The following SFMBT2 variants were observed in gnomAD, a reference collection of about 807,000 sequenced individuals.
The protein encoded by SFMBT2 is scm-like with four MBT domains protein 2.
A neutral mutation model predicts 110.1 loss-of-function variants in SFMBT2; 38 were observed. The ratio of observed to expected loss-of-function variants is 0.35; its 90% CI spans 0.27 to 0.45. The LOEUF (loss-of-function observed/expected upper bound fraction) is 0.45. Ranked by LOEUF, SFMBT2 falls within the 20% of genes least tolerant of loss-of-function variation. The pLI is 1.00. For missense variants in SFMBT2, 1,011 were observed against 1,094.9 expected (o/e 0.92, Z 1.08); for synonymous variants, 425 against 425.4 (o/e 1.00, Z 0.01).
At chr10:7,232,829 T>C (rs1840144148) in intron 9 of SFMBT2, among the ~76,000 whole-genome samples, 1 of 152,164 alleles carries the variant, frequency 6.6e-6, no homozygotes, top group Non-Finnish European at 1.5e-5. Flanking sequence ...AATTAAGGCA[T>C]TGGTCGATCA....
chr10:7,368,345 T>C (rs1844968309), intron 3 of SFMBT2: 8 of 985,182 alleles, frequency 8.1e-6, no homozygotes, highest in Non-Finnish European at 9.6e-6. Flanking sequence ...GAAAATGGAG[T>C]TGTTTTTTAA....
intron 10 of SFMBT2, 146 bp from the exon 11 acceptor site, chr10:7,220,683 A>G: frequency 1.2e-6 from 1 of 820,762 alleles, no homozygotes; most frequent in South Asian, 1.7e-5. Flanking sequence ...CCCACTGTTC[A>G]TGAAGAAAGA....
At position 7,367,821 on chromosome 10, in the gene SFMBT2, C is replaced by T. The variant is rs772130509; in HGVS notation, c.264G>A (p.Pro88=). ...TGATCGTGGCCACCCAGTACGTGTC[C>T]GGGTTGTTCTTATTAGCCACTTCCA... The part of the protein sequence containing the change: ...MKLEVANKNN[P]DTYWVATIIT... Residue 88 remains proline (P), a synonymous_variant, in exon 4 of 21, where the codon CCG becomes CCA. Transcript: ENST00000397167. The surrounding 1 kb of genome is among the most constrained non-coding windows in gnomAD (Gnocchi z 6.2). The T allele has an allele frequency of 1.5e-5, 25 of 1,614,132 alleles. No individual in the cohort carries two copies. Among genetic ancestry groups the T allele is most frequent in the Admixed American group, 1.3e-4 (8 of 60,018 alleles).
chr10:7,376,996 C>A (rs1845243155), intron 2 of SFMBT2, among the ~76,000 whole-genome samples: 1 of 151,116 alleles, frequency 6.6e-6, no homozygotes, highest in Admixed American at 6.6e-5. Flanking sequence ...TGGTGAAACC[C>A]CATCTCTACT....
chr10:7,232,591 A>G (rs899509441), intron 9 of SFMBT2, among the ~76,000 whole-genome samples: 1 of 152,220 alleles, frequency 6.6e-6, no homozygotes, highest in Non-Finnish European at 1.5e-5. Context: ...TGCTATAAAC[A>G]TATACAGAAT....
At chr10:7,165,643 C>T (rs1837675689) in intron 20 of SFMBT2, among the ~76,000 whole-genome samples, 1 of 152,288 alleles carries the variant, frequency 6.6e-6, no homozygotes, top group African/African-American at 2.4e-5. Flanking sequence ...GTAAGCAACT[C>T]GAAGCCACGT....
chr10:7,315,070 A>AGAGAGAG (rs1842964572), intron 4 of SFMBT2, among the ~76,000 whole-genome samples: 1 of 143,126 alleles, frequency 7.0e-6, no homozygotes, highest in African/African-American at 2.6e-5. Context: ...GAAAGAAAGA[A>AGAGAGAG]AGAAAGAAAG....
chr10:7,361,134 G>A (rs1844704172), intron 4 of SFMBT2, among the ~76,000 whole-genome samples: 1 of 151,986 alleles, frequency 6.6e-6, no homozygotes, highest in Non-Finnish European at 1.5e-5. Context: ...CTTCCCTCAA[G>A]CCTGGGTGCC....
At chr10:7,371,824 G>C (rs944779070) in intron 2 of SFMBT2, among the ~76,000 whole-genome samples, 1 of 151,440 alleles carries the variant, frequency 6.6e-6, no homozygotes, top group Admixed American at 6.6e-5. Context: ...GGCTGGTAGA[G>C]AACTGATATC....
chr10:7,218,450 A>C (rs138280326), intron 11 of SFMBT2, among the ~76,000 whole-genome samples: 1 of 152,368 alleles, frequency 6.6e-6, no homozygotes, highest in Non-Finnish European at 1.5e-5. Context: ...GTAATGAAAA[A>C]GATGCATGAT....
intron 4 of SFMBT2, among the ~76,000 whole-genome samples, chr10:7,352,520 A>G (rs1186888749): frequency 6.6e-6 from 1 of 152,066 alleles, no homozygotes; most frequent in Admixed American, 6.6e-5. Context: ...GTGTCTTGCT[A>G]TGTTGCCCAG....
chr10:7,318,137 G>A (rs957545622), intron 4 of SFMBT2, among the ~76,000 whole-genome samples: 15 of 152,358 alleles, frequency 9.8e-5, no homozygotes, highest in African/African-American at 3.4e-4. Context: ...TCTGGCTAAT[G>A]CTGGGAAGAA....
At chr10:7,204,408 A>C (rs1214764779) in intron 12 of SFMBT2, 3 of 985,318 alleles carry the variant, frequency 3.0e-6, no homozygotes, top group Non-Finnish European at 3.6e-6. Context: ...AATTCCATCA[A>C]GAAAATGTCA....
intron 2 of SFMBT2, among the ~76,000 whole-genome samples, chr10:7,375,461 A>T (rs570793760): frequency 3.3e-5 from 5 of 151,980 alleles, no homozygotes; most frequent in Admixed American, 6.5e-5. Context: ...GATGCTAGAT[A>T]TTTTTTTTAA....
rs367975655 is a variant in SFMBT2 at position 7,305,463 on chromosome 10, T to C, written c.437-19509A>G. Among the ~76,000 whole-genome samples the C allele has an allele frequency of 4.6e-5, 7 of 152,230 alleles. No individual in the cohort carries two copies. The East Asian group carries it at 1.2e-3, about 25-fold the overall frequency. Reference sequence around the variant, plus strand: ...TGTGAGAAACAGGGATGATATTTTATTGGGCCCACCTCCAGCCCCCTAGCA... The same window carrying C: ...TGTGAGAAACAGGGATGATATTTTACTGGGCCCACCTCCAGCCCCCTAGCA... On this transcript the variant is annotated intron_variant, in intron 4 of 20. Transcript: ENST00000397167.
At chr10:7,354,014 G>C (rs994364693) in intron 4 of SFMBT2, among the ~76,000 whole-genome samples, 9 of 151,198 alleles carry the variant, frequency 6.0e-5, no homozygotes, top group Admixed American at 3.3e-4. Flanking sequence ...TCGAACCCGG[G>C]AGTTGGAGGT....
intron 10 of SFMBT2, among the ~76,000 whole-genome samples, chr10:7,227,413 G>A (rs1839926423): frequency 1.3e-5 from 2 of 152,224 alleles, no homozygotes; most frequent in Admixed American, 1.3e-4. Context: ...CCTCACCTGT[G>A]ACATGGTGCA....
chr10:7,258,585 T>C (rs1841103814), intron 7 of SFMBT2, among the ~76,000 whole-genome samples: 1 of 152,228 alleles, frequency 6.6e-6, no homozygotes, highest in Non-Finnish European at 1.5e-5. Flanking sequence ...GTGAAGTCAA[T>C]GGAAGGTTTT....
chr10:7,358,206 G>T (rs1844584205), intron 4 of SFMBT2, among the ~76,000 whole-genome samples: 2 of 136,892 alleles, frequency 1.5e-5, no homozygotes, highest in Non-Finnish European at 3.5e-5. Context: ...CATCTGCATG[G>T]CCCTGGAATG....
Sources: allele counts gnomAD v4.1 joint callset (sites outside exome capture counted in the v4.1 genomes callset), GRCh38; gene constraint gnomAD v4.1.1; non-coding constraint Gnocchi (gnomAD v3.1); transcripts MANE v1.5; gene names NCBI Gene and HGNC (gene_info 2026-07-23, HGNC 2026-07-21).